ADGRF5: variants seen among roughly 807,000 people sequenced by gnomAD.
ADGRF5 encodes adhesion G protein-coupled receptor F5.
In ADGRF5, 75 loss-of-function variants were observed where a neutral mutation model predicts 132.3. The ratio of observed to expected loss-of-function variants is 0.57; its 90% CI spans 0.47 to 0.69. The LOEUF is 0.69. ADGRF5 is among the 30% of genes least tolerant of loss of function. ADGRF5 has a pLI of 0.00. For synonymous variants in ADGRF5, 629 were observed against 597.6 expected (o/e 1.05, Z -0.77); for missense variants, 1,516 against 1,630.6 (o/e 0.93, Z 1.21).
chr6:46,865,005 G>A (rs540901436), intron 14 of ADGRF5, 37 bp downstream of exon 14: 18 of 1,448,268 alleles, frequency 1.2e-5, no homozygotes, highest in South Asian at 3.6e-5. Context: ...TCCCTGCCCT[G>A]ACTATAACAT....
intron 6 of ADGRF5, among the ~76,000 whole-genome samples, chr6:46,882,627 G>C (rs937421647): frequency 6.6e-6 from 1 of 152,226 alleles, no homozygotes; most frequent in Admixed American, 6.5e-5. Context: ...CCTCATGGCT[G>C]CCATACTGCA....
At chr6:46,854,714 C>T in intron 20 of ADGRF5, 1 of 1,284,190 alleles carries the variant, frequency 7.8e-7, no homozygotes, top group South Asian at 1.2e-5. Flanking sequence ...GCCCACCCTA[C>T]CATCAGATTG....
intron 15 of ADGRF5, among the ~76,000 whole-genome samples, chr6:46,861,399 T>C (rs986435572): frequency 2.0e-5 from 3 of 152,188 alleles, no homozygotes; most frequent in Non-Finnish European, 1.5e-5. Flanking sequence ...ATAGATTATA[T>C]GGTCACCCTA....
intron 3 of ADGRF5, among the ~76,000 whole-genome samples, chr6:46,895,953 A>G (rs142588256): frequency 3.0e-4 from 46 of 152,092 alleles, no homozygotes; most frequent in South Asian, 2.1e-3. Flanking sequence ...GCACTCCTGA[A>G]GAGTCACAGG....
chr6:46,924,986 CTT>C (rs1206677780), upstream of ADGRF5, among the ~76,000 whole-genome samples: 3 of 152,208 alleles, frequency 2.0e-5, no homozygotes, highest in Non-Finnish European at 4.4e-5. Flanking sequence ...TGCATCTCCT[CTT>C]GTCACTTATA....
chr6:46,912,637 G>T (rs1419478699), intron 1 of ADGRF5, among the ~76,000 whole-genome samples: 3 of 152,130 alleles, frequency 2.0e-5, no homozygotes, highest in Non-Finnish European at 4.4e-5. Flanking sequence ...ACAATCAAAG[G>T]TCCAGTTAAG....
chr6:46,919,841 A>G (rs1215328801), intron 1 of ADGRF5, among the ~76,000 whole-genome samples: 1 of 152,190 alleles, frequency 6.6e-6, no homozygotes, highest in African/African-American at 2.4e-5. Context: ...AAGTGTTCGT[A>G]TTATTCTTGG....
chr6:46,871,759 T>TA, intron 11 of ADGRF5, 84 bp downstream of exon 11: 1 of 945,010 alleles, frequency 1.1e-6, no homozygotes, highest in African/African-American at 1.6e-5. Context: ...TGCTCATAGA[T>TA]ATTTCCATAG....
intron 3 of ADGRF5, among the ~76,000 whole-genome samples, chr6:46,896,611 C>A (rs901228463): frequency 2.6e-5 from 4 of 151,820 alleles, no homozygotes; most frequent in Non-Finnish European, 4.4e-5. Flanking sequence ...ATTAACATAA[C>A]CTTATTTAAT....
chr6:46,900,197 G>T (rs1163354798), intron 2 of ADGRF5, 114 bp from the exon 3 acceptor site: 3 of 786,436 alleles, frequency 3.8e-6, no homozygotes, highest in East Asian at 2.5e-5. Flanking sequence ...GCAGACTTTG[G>T]GTTAGCACCA....
chr6:46,894,030 G>A (rs559308974), intron 3 of ADGRF5, among the ~76,000 whole-genome samples: 41 of 152,326 alleles, frequency 2.7e-4, no homozygotes, highest in African/African-American at 8.7e-4. Flanking sequence ...CAGAGCTTAA[G>A]TAGATGGGTA....
rs1025796492 is a variant in ADGRF5, at chr6:46,888,239, C to T, written c.328+96G>A. The T allele has an allele frequency of 1.3e-5, 11 of 837,208 alleles. No homozygotes were observed. In the African/African-American group the frequency reaches 1.5e-4, roughly 12 times the overall value. The allele number at this position is 837,208 out of a possible 1,614,324, so 51.9% of individuals were successfully genotyped here. A position where few individuals can be genotyped will look rare whatever the true frequency, so the allele number is the denominator to read the frequency against. On this transcript the variant is annotated intron_variant, in intron 4 of 20. Transcript: ENST00000283296. ...CGTCTCGGTGAGTCATTTCACTTGCCTACTAAGTAAAAGATTGCTCTGATA... is the reference window on the plus strand; with the variant it reads ...CGTCTCGGTGAGTCATTTCACTTGCTTACTAAGTAAAAGATTGCTCTGATA...
Position 46,878,447 on chromosome 6 carries a change from T to A in ADGRF5, c.1037-42A>T, listed in dbSNP as rs1772067730. On this transcript the variant is annotated intron_variant, in intron 9 of 20. Transcript: ENST00000283296. Reference sequence around the variant, plus strand: ...AAATCATGTATTATTATAACACATGTGTATTTTCTTAGAGGAATGTACCGT... The same window carrying A: ...AAATCATGTATTATTATAACACATGAGTATTTTCTTAGAGGAATGTACCGT... The A allele has an allele frequency of 1.6e-5, 19 of 1,183,082 alleles. No homozygotes were observed. In the East Asian group the frequency reaches 4.6e-4, roughly 29 times the overall value. 73.3% of individuals were successfully genotyped at this position (1,183,082 alleles called of 1,614,324 possible).
intron 1 of ADGRF5, among the ~76,000 whole-genome samples, chr6:46,946,654 AG>A (rs1306335360): frequency 6.6e-6 from 1 of 152,162 alleles, no homozygotes; most frequent in Non-Finnish European, 1.5e-5. Context: ...GGGAGAGCTG[AG>A]CTCTGGAGGC....
intron 11 of ADGRF5, chr6:46,869,493 C>T (rs1399767398): frequency 5.1e-5 from 22 of 433,588 alleles, no homozygotes; most frequent in Non-Finnish European, 6.4e-5. Context: ...ATCTCAATCT[C>T]TACTCTTTTA....
At chr6:46,923,157 C>T (rs944664023), upstream of ADGRF5, among the ~76,000 whole-genome samples, 2 of 152,200 alleles carry the variant, frequency 1.3e-5, no homozygotes, top group African/African-American at 4.8e-5. Context: ...AAACTCCTGA[C>T]CTCAGGTAAT....
At chr6:46,870,991 T>G (rs914133964) in intron 11 of ADGRF5, 1 of 156,842 alleles carries the variant, frequency 6.4e-6, no homozygotes, top group Non-Finnish European at 1.4e-5. Context: ...ATATATTATA[T>G]ATTATAGATA....
chr6:46,924,767 A>T (rs893220834), upstream of ADGRF5, among the ~76,000 whole-genome samples: 1 of 152,216 alleles, frequency 6.6e-6, no homozygotes, highest in African/African-American at 2.4e-5. Context: ...GGGCATCTCC[A>T]TCCTTCCAGT....
intron 13 of ADGRF5, among the ~76,000 whole-genome samples, chr6:46,865,836 A>C (rs1246859769): frequency 6.6e-6 from 1 of 152,208 alleles, no homozygotes; most frequent in African/African-American, 2.4e-5. Flanking sequence ...TATTATATGC[A>C]TTGCCTTTCA....
Sources: allele counts gnomAD v4.1 joint callset (sites outside exome capture counted in the v4.1 genomes callset), GRCh38; gene constraint gnomAD v4.1.1; transcripts MANE v1.5; gene names NCBI Gene and HGNC (gene_info 2026-07-23, HGNC 2026-07-21).